The following ADK variants were observed in gnomAD, a reference collection of about 807,000 sequenced individuals.
ADK encodes N6,N6-dimethyladenosine kinase.
In ADK, 24 loss-of-function variants were observed where a neutral mutation model predicts 44.7. The ratio of observed to expected loss-of-function variants is 0.54; its 90% CI spans 0.39 to 0.76. The LOEUF (loss-of-function observed/expected upper bound fraction) is 0.76, where lower values mean the gene tolerates loss of function less well. ADK is among the 30% of genes least tolerant of loss of function. The pLI is 0.00. For missense variants in ADK, 321 were observed against 425.1 expected, an observed-to-expected ratio of 0.76 and a Z score of 2.15; for synonymous variants, 128 against 142.6, an observed-to-expected ratio of 0.90 and a Z score of 0.73.
At chr10:74,418,948 A>G (rs1214258451) in intron 6 of ADK, among the ~76,000 whole-genome samples, 1 of 152,124 alleles carries the variant, frequency 6.6e-6, no homozygotes, top group East Asian at 1.9e-4. Context: ...CTGATTGTGA[A>G]CTCTGCCAGT....
rs111930757 is a variant in ADK, at chr10:74,264,163, G to A, written c.194+39572G>A. Among the ~76,000 whole-genome samples, 799 of 152,240 alleles carry A rather than the reference G, an allele frequency of 5.2e-3. 11 individuals are homozygous for A. Among genetic ancestry groups the A allele is most frequent in the African/African-American group, 0.017 (727 of 41,552 alleles). On this transcript the variant is annotated intron_variant, in intron 3 of 10. Transcript: ENST00000539909. ...TCCATTATCATAAAAAGTTTTATAGGCTAGTGCTCCTTGGGGTTTATACCT... is the reference window on the plus strand; with the variant it reads ...TCCATTATCATAAAAAGTTTTATAGACTAGTGCTCCTTGGGGTTTATACCT...
intron 6 of ADK, among the ~76,000 whole-genome samples, chr10:74,404,194 T>C (rs1196351083): frequency 6.6e-6 from 1 of 151,082 alleles, no homozygotes; most frequent in Non-Finnish European, 1.5e-5. Flanking sequence ...TTTTTTTTAA[T>C]CAGCTTTGTT....
At chr10:74,401,392 T>TG (rs1160350068) in intron 6 of ADK, among the ~76,000 whole-genome samples, 1 of 152,130 alleles carries the variant, frequency 6.6e-6, no homozygotes, top group Non-Finnish European at 1.5e-5. Context: ...TGGGTGCTCC[T>TG]GTATTGGGTG....
intron 4 of ADK, among the ~76,000 whole-genome samples, chr10:74,346,276 G>A (rs577387148): frequency 1.3e-3 from 198 of 151,764 alleles, no homozygotes; most frequent in Middle Eastern, 6.8e-3. Flanking sequence ...AAAAAAAGTA[G>A]TGATTTTGCT....
At chr10:74,655,995 G>T (rs1854474600) in intron 9 of ADK, 2 of 660,584 alleles carry the variant, frequency 3.0e-6, no homozygotes, top group Non-Finnish European at 5.7e-6. Flanking sequence ...CATGGGAACC[G>T]CCTGCTCTTT....
intron 7 of ADK, among the ~76,000 whole-genome samples, chr10:74,574,702 G>A (rs1352568996): frequency 6.6e-6 from 1 of 152,112 alleles, no homozygotes; most frequent in African/African-American, 2.4e-5. Flanking sequence ...TCCCACAGCA[G>A]GACAACTGCA....
At chr10:74,558,307 C>G (rs1368243183) in intron 7 of ADK, among the ~76,000 whole-genome samples, 3 of 152,226 alleles carry the variant, frequency 2.0e-5, no homozygotes, top group Non-Finnish European at 4.4e-5. Flanking sequence ...AGGCAATCCT[C>G]CTGCCTCAAC....
At chr10:74,504,601 G>T (rs1267196045) in intron 6 of ADK, among the ~76,000 whole-genome samples, 4 of 152,116 alleles carry the variant, frequency 2.6e-5, no homozygotes, top group Non-Finnish European at 1.5e-5. Context: ...TATATTCATT[G>T]ATATGGTTTG....
intron 3 of ADK, among the ~76,000 whole-genome samples, chr10:74,308,057 T>TAG (rs1337195260): frequency 6.6e-6 from 1 of 152,224 alleles, no homozygotes; most frequent in Non-Finnish European, 1.5e-5. Flanking sequence ...TTACAATGGG[T>TAG]AGAAACCTAA....
At chr10:74,265,651 T>C (rs1001453363) in intron 3 of ADK, among the ~76,000 whole-genome samples, 1 of 152,222 alleles carries the variant, frequency 6.6e-6, no homozygotes, top group African/African-American at 2.4e-5. Flanking sequence ...CTATACACTT[T>C]CAAGTGGTGA....
chr10:74,673,901 A>G (rs535300409), intron 10 of ADK, among the ~76,000 whole-genome samples: 13 of 152,264 alleles, frequency 8.5e-5, no homozygotes, highest in Admixed American at 4.6e-4. Flanking sequence ...CTCCAAAGCT[A>G]TGCCATCAAG....
At chr10:74,399,715 G>A (rs1415139110) in intron 6 of ADK, among the ~76,000 whole-genome samples, 1 of 151,854 alleles carries the variant, frequency 6.6e-6, no homozygotes, top group Non-Finnish European at 1.5e-5. Flanking sequence ...ATTCTTTAGA[G>A]GGGATTTATG....
At chr10:74,227,699 C>G (rs1844597666) in intron 3 of ADK, among the ~76,000 whole-genome samples, 1 of 152,138 alleles carries the variant, frequency 6.6e-6, no homozygotes, top group South Asian at 2.1e-4. Flanking sequence ...CAAAAATTAG[C>G]CAGGCATGGT....
intron 9 of ADK, among the ~76,000 whole-genome samples, chr10:74,664,307 G>T (rs1341160365): frequency 6.6e-6 from 1 of 151,984 alleles, no homozygotes; most frequent in Non-Finnish European, 1.5e-5. Flanking sequence ...TTTTGTGTGG[G>T]TGAGGGGAGG....
chr10:74,173,438 T>C (rs1309508666), intron 1 of ADK, among the ~76,000 whole-genome samples: 1 of 149,542 alleles, frequency 6.7e-6, no homozygotes, highest in Admixed American at 6.6e-5. Flanking sequence ...TTTCTTTTTT[T>C]TTTTCTTTTG....
chr10:74,457,240 A>G (rs553271526), intron 6 of ADK, among the ~76,000 whole-genome samples: 1 of 152,222 alleles, frequency 6.6e-6, no homozygotes, highest in Non-Finnish European at 1.5e-5. Flanking sequence ...GAAGAAATGG[A>G]TACATTGCTG....
chr10:74,682,541 C>T (rs538725174), intron 10 of ADK, among the ~76,000 whole-genome samples: 1 of 151,366 alleles, frequency 6.6e-6, no homozygotes, highest in African/African-American at 2.4e-5. Context: ...CCATCTGACA[C>T]CAATTAAGCT....
At position 74,398,760 on chromosome 10, in the gene ADK, T is replaced by C. The variant is rs2169683; in HGVS notation, c.555+181T>C. Reference sequence around the variant, plus strand: ...ACAGAAATCATTATCTTTCTATGGGTAACATAATTTGTATTATTTATCTTC... The same window carrying C: ...ACAGAAATCATTATCTTTCTATGGGCAACATAATTTGTATTATTTATCTTC... On this transcript the variant is annotated intron_variant, in intron 6 of 10. Coordinates refer to ENST00000539909, the MANE Select transcript of ADK (RefSeq NM_006721.4). 0.64 allele frequency among the ~76,000 whole-genome samples: 97,363 copies of C among 151,976 alleles called. 32,598 individuals carry two copies. Among genetic ancestry groups the C allele is most frequent in the Middle Eastern group, 0.8 (235 of 294 alleles).
intron 1 of ADK, among the ~76,000 whole-genome samples, chr10:74,190,389 T>G (rs1002754487): frequency 6.6e-6 from 1 of 152,208 alleles, no homozygotes; most frequent in Non-Finnish European, 1.5e-5. Flanking sequence ...GCTTAGGGCC[T>G]TCTCAGGTCT....
Sources: gnomAD v4.1 joint callset for allele counts (sites outside exome capture counted in the v4.1 genomes callset) on GRCh38, gnomAD v4.1.1 for gene constraint, MANE v1.5 for transcripts, NCBI Gene and HGNC (gene_info 2026-07-23, HGNC 2026-07-21) for gene names.